The following REXO1 variants were observed in gnomAD, a reference collection of about 807,000 sequenced individuals.
REXO1 encodes RNA exonuclease 1 homolog.
In REXO1, 42 loss-of-function variants were observed where a neutral mutation model predicts 102.6. The ratio of observed to expected loss-of-function variants is 0.41; its 90% CI spans 0.32 to 0.53. The LOEUF (loss-of-function observed/expected upper bound fraction) is 0.53, where lower values mean the gene tolerates loss of function less well. Among genes scored for constraint, REXO1 ranks in the 20% least tolerant of loss-of-function variants. The pLI, the probability that REXO1 is intolerant of heterozygous loss-of-function variation, is 0.27. For missense variants in REXO1, 1,819 were observed against 1,732.5 expected, an observed-to-expected ratio of 1.05 and a Z score of -0.89; for synonymous variants, 908 against 779.1, an observed-to-expected ratio of 1.17 and a Z score of -2.76.
intron 1 of REXO1, among the ~76,000 whole-genome samples, chr19:1,831,738 G>A (rs536301731): frequency 4.0e-5 from 6 of 150,832 alleles, no homozygotes; most frequent in African/African-American, 1.2e-4. Flanking sequence ...CCAGCTACTC[G>A]GGAGGCTGAG....
intron 1 of REXO1, among the ~76,000 whole-genome samples, chr19:1,847,403 C>T (rs775668459): frequency 6.6e-6 from 1 of 152,272 alleles, no homozygotes; most frequent in African/African-American, 2.4e-5. Flanking sequence ...AAGTCAGGGG[C>T]TGGGTGAAGC....
rs756460507 is a variant in REXO1, at chr19:1,827,266, G to A, written c.1523C>T (p.Ala508Val). Residue 508 changes from alanine to valine, a missense_variant, in exon 2 of 16, where the codon GCC (alanine) becomes GTC (valine). Transcript: ENST00000170168. ...CAGGGCCCGCTTCTTCAGCTTGGGGGCGTCCTGGGAGGCGCCCTCGTCTAG... is the reference window on the plus strand; with the variant it reads ...CAGGGCCCGCTTCTTCAGCTTGGGGACGTCCTGGGAGGCGCCCTCGTCTAG... The part of the protein sequence containing the change: ...RSLDEGASQD[A>V]PKLKKRALSH... 2.2e-5 allele frequency: 34 copies of A among 1,559,588 alleles called. 1 individual carries two copies. In the South Asian group the frequency reaches 2.8e-4, roughly 13 times the overall value.
rs1301602705 is a variant in REXO1, at chr19:1,818,514, T to C, written c.2984A>G (p.Tyr995Cys). The C allele has an allele frequency of 2.5e-6, 4 of 1,611,100 alleles. No individual in the cohort carries two copies. Among genetic ancestry groups the C allele is most frequent in the East Asian group, 2.2e-5 (1 of 44,812 alleles). Residue 995 changes from tyrosine to cysteine, a missense_variant, in exon 10 of 16, where the codon TAT (tyrosine) becomes TGT (cysteine). By Grantham distance (194) the Tyr-to-Cys change is radical (BLOSUM62 -2). Coordinates refer to ENST00000170168, the MANE Select transcript of REXO1 (RefSeq NM_020695.4). ...SGRCIRDEEC[Y>C]YHWGRLRRNR... is the part of the protein sequence containing the mutation. The stretch of plus-strand genomic sequence containing the variant: ...CCGGCGCAGCCGTCCCCAGTGGTAA[T>C]AACACTCCTCGTCCCGGATGCAGCG...
intron 1 of REXO1, among the ~76,000 whole-genome samples, chr19:1,839,026 G>A (rs532885656): frequency 2.6e-5 from 4 of 152,044 alleles, no homozygotes; most frequent in Non-Finnish European, 2.9e-5. Flanking sequence ...AAGCTGAGGC[G>A]GGCGGACTGC....
chr19:1,833,956 G>C (rs2069972216), intron 1 of REXO1, among the ~76,000 whole-genome samples: 1 of 152,208 alleles, frequency 6.6e-6, no homozygotes, highest in Admixed American at 6.5e-5. Flanking sequence ...AGAGGAGGAA[G>C]AGCCCGCCTA....
At chr19:1,819,609 G>T (rs923915967) in intron 7 of REXO1, among the ~76,000 whole-genome samples, 1 of 152,202 alleles carries the variant, frequency 6.6e-6, no homozygotes, top group Non-Finnish European at 1.5e-5. Context: ...TTCCTCCCCA[G>T]AGCTTAATGC....
intron 12 of REXO1, 186 bp downstream of exon 12, chr19:1,817,033 G>A: frequency 1.3e-6 from 1 of 798,322 alleles, no homozygotes; most frequent in Non-Finnish European, 2.0e-6. Context: ...CCAGTGCCCG[G>A]TGTGCTTGGC....
At chr19:1,840,071 A>G (rs1599168941) in intron 1 of REXO1, among the ~76,000 whole-genome samples, 1 of 152,078 alleles carries the variant, frequency 6.6e-6, no homozygotes, top group Non-Finnish European at 1.5e-5. Flanking sequence ...GTGGGGATGG[A>G]CCTGTCGCCA....
rs925922127 is a variant in REXO1, at chr19:1,815,735, G to A, written c.*331C>T. 2.6e-5 allele frequency: 37 copies of A among 1,400,446 alleles called. No homozygotes were observed. Among genetic ancestry groups the A allele is most frequent in the South Asian group, 1.2e-4 (8 of 68,008 alleles). 86.8% of individuals were successfully genotyped at this position (1,400,446 alleles called of 1,614,324 possible). A position where few individuals can be genotyped will look rare whatever the true frequency, so the allele number is the denominator to read the frequency against. On this transcript the variant is annotated 3_prime_UTR_variant, in exon 16 of 16. Transcript: ENST00000170168. This position sits in a 1 kb window ranked among gnomAD's most constrained non-coding sequence, Gnocchi z 4.0. ...GACCCACGTGAGGAGCAGAGGTGCC[G>A]GCCACCACCCGGGAGGGAGGGCCTG...
intron 1 of REXO1, among the ~76,000 whole-genome samples, chr19:1,841,980 G>A (rs1361176348): frequency 6.6e-6 from 1 of 152,150 alleles, no homozygotes; most frequent in African/African-American, 2.4e-5. Context: ...GGAGGCTGAG[G>A]CGGGTGGATC....
chr19:1,822,139 G>A (rs754255795), intron 4 of REXO1: 17 of 387,474 alleles, frequency 4.4e-5, no homozygotes, highest in Non-Finnish European at 7.7e-5. Context: ...GGGCTGCTTC[G>A]GAGGGCTGGC....
chr19:1,845,149 C>T (rs1213508765), intron 1 of REXO1, among the ~76,000 whole-genome samples: 1 of 152,152 alleles, frequency 6.6e-6, no homozygotes, highest in Admixed American at 6.5e-5. Context: ...CATAGACAAC[C>T]GAGGCCCCTC....
Position 1,819,181 on chromosome 19 carries a change from CCCCTGCCCCGCCTGCTCTCCCACCCA to C in REXO1, c.2651-76_2651-51del, listed in dbSNP as rs979980703. The C allele has an allele frequency of 4.3e-6, 6 of 1,407,622 alleles. No homozygotes were observed. In the African/African-American group the frequency reaches 8.6e-5, roughly 20 times the overall value. 87.2% of individuals were successfully genotyped at this position (1,407,622 alleles called of 1,614,324 possible). ...GAGGGTGTGAAGTAGCTGGCTCAGA[CCCCTGCCCCGCCTGCTCTCCCACCCA>C]CCCTGCCCTCCTCAGACCTCTGCCT... On this transcript the variant is annotated intron_variant, in intron 7 of 15. Coordinates refer to ENST00000170168, the MANE Select transcript of REXO1 (RefSeq NM_020695.4).
intron 7 of REXO1, 68 bp from the exon 8 acceptor site, chr19:1,819,199 T>TGGGCCC: frequency 8.3e-7 from 1 of 1,202,706 alleles, no homozygotes; most frequent in East Asian, 2.5e-5. Flanking sequence ...CCGCCTGCTC[T>TGGGCCC]CCCACCCACC....
chr19:1,819,532 G>GC (rs755448679), intron 7 of REXO1, among the ~76,000 whole-genome samples: 2 of 152,240 alleles, frequency 1.3e-5, no homozygotes, highest in Non-Finnish European at 2.9e-5. Flanking sequence ...GGGGACGGGG[G>GC]CAGGGGCCGG....
At chr19:1,843,817 C>T (rs1012370260) in intron 1 of REXO1, among the ~76,000 whole-genome samples, 4 of 152,214 alleles carry the variant, frequency 2.6e-5, no homozygotes, top group Admixed American at 6.5e-5. Context: ...CACTGCCCCA[C>T]GGAAAGCCGG....
At chr19:1,825,549 C>T (rs945753434) in intron 3 of REXO1, among the ~76,000 whole-genome samples, 5 of 151,392 alleles carry the variant, frequency 3.3e-5, no homozygotes, top group African/African-American at 1.2e-4. Flanking sequence ...AATCTTGGCT[C>T]ACTGTAACCT....
At chr19:1,842,931 C>A (rs2011356435) in intron 1 of REXO1, among the ~76,000 whole-genome samples, 1 of 152,244 alleles carries the variant, frequency 6.6e-6, no homozygotes. Context: ...GCGCTTTTCC[C>A]ATCGCCATCC....
chr19:1,824,792 A>AC (rs1176501055), intron 3 of REXO1, among the ~76,000 whole-genome samples: 1 of 68,176 alleles, frequency 1.5e-5, no homozygotes, highest in Non-Finnish European at 3.2e-5. Context: ...CATTTTATGT[A>AC]TTTATCTTTT....
Sources: gnomAD v4.1 joint callset for allele counts (sites outside exome capture counted in the v4.1 genomes callset) on GRCh38, gnomAD v4.1.1 for gene constraint, Gnocchi (gnomAD v3.1) non-coding constraint, MANE v1.5 for transcripts, NCBI Gene and HGNC (gene_info 2026-07-23, HGNC 2026-07-21) for gene names.